MMP25: variants seen among roughly 807,000 people sequenced by gnomAD.
MMP25 encodes matrix metalloproteinase-25.
A neutral mutation model predicts 62.1 loss-of-function variants in MMP25; 68 were observed. The observed-to-expected ratio is 1.10, with a 90% CI of 0.90 to 1.34. MMP25 has a LOEUF of 1.34. MMP25 is among the 40% of genes most tolerant of loss of function. MMP25 has a pLI of 0.00. For missense variants in MMP25, 942 were observed against 792.5 expected (o/e 1.19, Z -2.26); for synonymous variants, 407 against 345.6 (o/e 1.18, Z -1.97).
rs776515247 is a variant in MMP25 at position 3,049,861 on chromosome 16, G to A, written c.233-148G>A. ...TGGCTTCCAGAGACAGACTGCCTGG[G>A]TTCAAACCTGGGCTGTGGGGCCTTC... On this transcript the variant is annotated intron_variant, in intron 2 of 9. Transcript: ENST00000336577. The A allele has an allele frequency of 2.4e-5, 29 of 1,199,350 alleles. 1 individual carries two copies. The highest frequency in any genetic ancestry group is 5.5e-4 in the Middle Eastern group (2 of 3,636). The allele number at this position is 1,199,350 out of a possible 1,614,324, so 74.3% of individuals were successfully genotyped here.
chr16:3,058,851 C>A lies in MMP25; in HGVS notation c.1442C>A (p.Ala481Asp). Residue 481 changes from alanine to aspartate, a missense_variant, in exon 10 of 10, where the codon GCC becomes GAC. Physicochemically the swap from Ala to Asp is moderately radical, Grantham distance 126 (BLOSUM62 -2). Coordinates refer to ENST00000336577, the MANE Select transcript of MMP25 (RefSeq NM_022468.5). Reference protein sequence around the residue: ...NAGDTYFFKGAHYWRFPKNSI... With the variant: ...NAGDTYFFKGDHYWRFPKNSI... Reference sequence around the variant, plus strand: ...GGTGACACCTACTTCTTCAAGGGCGCCCACTACTGGCGCTTCCCCAAGAAC... The same window carrying A: ...GGTGACACCTACTTCTTCAAGGGCGACCACTACTGGCGCTTCCCCAAGAAC... 6.5e-7 allele frequency: 1 copy of A among 1,532,982 alleles called. No homozygotes were observed. Among genetic ancestry groups the A allele is most frequent in the Non-Finnish European group, 8.8e-7 (1 of 1,137,054 alleles). The allele number at this position is 1,532,982 out of a possible 1,614,324, so 95.0% of individuals were successfully genotyped here. A position where few individuals can be genotyped will look rare whatever the true frequency, so the allele number is the denominator to read the frequency against.
chr16:3,053,623 C>T (rs573484109), intron 4 of MMP25: 1 of 152,094 alleles, frequency 6.6e-6, no homozygotes, highest in African/African-American at 2.4e-5. Flanking sequence ...TGGCGAGCTT[C>T]TGGGAGGAAA....
At chr16:3,055,453 G>C (rs1955990255) in intron 4 of MMP25, among the ~76,000 whole-genome samples, 2 of 152,210 alleles carry the variant, frequency 1.3e-5, no homozygotes, top group Admixed American at 1.3e-4. Context: ...CGTCAGTGCG[G>C]ATGTGATTTG....
chr16:3,058,802 C>G (rs1237533816), intron 9 of MMP25, 25 bp from the exon 10 acceptor site: 2 of 1,498,446 alleles, frequency 1.3e-6, no homozygotes, highest in East Asian at 2.4e-5. Flanking sequence ...GGGGAGGGAC[C>G]GGGACTCAAG....
intron 7 of MMP25, 37 bp from the exon 8 acceptor site, chr16:3,058,144 T>C: frequency 6.2e-7 from 1 of 1,602,564 alleles, no homozygotes; most frequent in Non-Finnish European, 8.5e-7. Flanking sequence ...CCTCCTGCTG[T>C]CTCATGCCTT....
chr16:3,056,970 C>T, intron 4 of MMP25, 63 bp from the exon 5 acceptor site: 1 of 1,502,220 alleles, frequency 6.7e-7, no homozygotes, highest in South Asian at 1.3e-5. Context: ...ACTCGCAGGG[C>T]CTTCCTGTGG....
At chr16:3,049,897 T>A in intron 2 of MMP25, 112 bp from the exon 3 acceptor site, 1 of 1,507,876 alleles carries the variant, frequency 6.6e-7, no homozygotes, top group South Asian at 1.1e-5. Flanking sequence ...GAGGGCACAT[T>A]TCTTGAGCCC....
At chr16:3,053,736 C>T (rs1158896962) in intron 4 of MMP25, 1 of 151,756 alleles carries the variant, frequency 6.6e-6, no homozygotes, top group Non-Finnish European at 1.5e-5. Context: ...AGACTAAGCC[C>T]AAAGGTGATC....
At chr16:3,057,903 T>C (rs1418665165) in intron 7 of MMP25, 2 of 577,386 alleles carry the variant, frequency 3.5e-6, no homozygotes, top group Non-Finnish European at 3.0e-6. Context: ...GGAGTCTCAC[T>C]ATATTGCCCA....
At position 3,050,244 on chromosome 16, in the gene MMP25, C is replaced by G. The variant is rs373093991; in HGVS notation, c.369-10C>G. 6.3e-7 allele frequency: 1 copy of G among 1,583,030 alleles called. No homozygotes were observed. Among genetic ancestry groups the G allele is most frequent in the African/African-American group, 1.3e-5 (1 of 74,370 alleles). On this transcript the variant is annotated splice_polypyrimidine_tract_variant and intron_variant, in intron 3 of 9. Transcript: ENST00000336577. ...ACGGCCACCCTTACACCTCACTCCC[C>G]TCTCCCCAGGGTACGTTCCTTCCCC...
chr16:3,047,574 C>G, intron 2 of MMP25, 27 bp downstream of exon 2: 1 of 1,607,382 alleles, frequency 6.2e-7, no homozygotes, highest in Non-Finnish European at 8.5e-7. Context: ...CCTCCCCAGC[C>G]CTGCCTCTGC....
rs1250833479 is a variant in MMP25, at chr16:3,057,518, C to T, written c.924-13C>T. On this transcript the variant is annotated splice_polypyrimidine_tract_variant and intron_variant, in intron 6 of 9. Coordinates refer to ENST00000336577, the MANE Select transcript of MMP25 (RefSeq NM_022468.5). ...AAACCCCCCTCTCTACTCACCTCTC[C>T]TTTCCTCCCCAGCCCATCCTTCCCC... 1 of 1,613,390 alleles carries T rather than the reference C, an allele frequency of 6.2e-7. No individual in the cohort carries two copies. Among genetic ancestry groups the T allele is most frequent in the East Asian group, 2.2e-5 (1 of 44,882 alleles).
At chr16:3,049,037 G>T (rs1487503774) in intron 2 of MMP25, among the ~76,000 whole-genome samples, 1 of 151,952 alleles carries the variant, frequency 6.6e-6, no homozygotes, top group East Asian at 1.9e-4. Context: ...CGAACTCTTA[G>T]CCTCAAGCGA....
rs899125802 is a variant in MMP25 at position 3,058,655 on chromosome 16, C to T, written c.1403C>T (p.Thr468Ile). 2.5e-6 allele frequency: 4 copies of T among 1,601,010 alleles called. No homozygotes were observed. The highest frequency in any genetic ancestry group is 3.4e-6 in the Non-Finnish European group (4 of 1,173,582). Residue 468 changes from threonine (T) to isoleucine (I), a missense_variant, in exon 9 of 10, where the codon ACC becomes ATC. Coordinates refer to ENST00000336577, the MANE Select transcript of MMP25 (RefSeq NM_022468.5). Reference sequence around the variant, plus strand: ...GCGCCCCCCTCCCCTGACGATGTCACCGTCAGCAACGCAGGTGGGGAGCGC... The same window carrying T: ...GCGCCCCCCTCCCCTGACGATGTCATCGTCAGCAACGCAGGTGGGGAGCGC... ...EGAPPSPDDV[T>I]VSNAGDTYFF... is the part of the protein sequence containing the mutation.
chr16:3,058,958 G>A lies in MMP25; in HGVS notation c.1549G>A (p.Ala517Thr). 1 of 1,402,002 alleles carries A rather than the reference G, an allele frequency of 7.1e-7. No homozygotes were observed. Among genetic ancestry groups the A allele is most frequent in the South Asian group, 1.3e-5 (1 of 79,664 alleles). 86.8% of individuals were successfully genotyped at this position (1,402,002 alleles called of 1,614,324 possible). ...DCPAPSSGPR[A>T]PRPPKATPVS... ...CCCCGCCCCGAGCTCTGGTCCCCGC[G>A]CCCCCAGGCCCCCCAAAGCGACCCC... The change falls in exon 10 of 10, where the codon GCC becomes ACC. Residue 517 changes from alanine (A) to threonine (T), a missense_variant. By Grantham distance (58) the Ala-to-Thr change is moderately conservative. Coordinates refer to ENST00000336577, the MANE Select transcript of MMP25 (RefSeq NM_022468.5).
intron 2 of MMP25, among the ~76,000 whole-genome samples, chr16:3,049,159 G>A (rs1955862644): frequency 6.6e-6 from 1 of 151,798 alleles, no homozygotes; most frequent in African/African-American, 2.4e-5. Flanking sequence ...ATGGAAGGCA[G>A]GAGCCCTGAG....
Position 3,050,245 on chromosome 16 carries a change from T to C in MMP25, c.369-9T>C. On this transcript the variant is annotated splice_polypyrimidine_tract_variant and intron_variant, in intron 3 of 9. Coordinates refer to ENST00000336577, the MANE Select transcript of MMP25 (RefSeq NM_022468.5). The stretch of plus-strand genomic sequence containing the variant: ...CGGCCACCCTTACACCTCACTCCCC[T>C]CTCCCCAGGGTACGTTCCTTCCCCC... 1.3e-6 allele frequency: 2 copies of C among 1,582,600 alleles called. No individual in the cohort carries two copies. Among genetic ancestry groups the C allele is most frequent in the African/African-American group, 1.3e-5 (1 of 74,392 alleles).
intron 4 of MMP25, 93 bp downstream of exon 4, chr16:3,050,639 G>C (rs1955889672): frequency 7.6e-7 from 1 of 1,311,294 alleles, no homozygotes; most frequent in African/African-American, 1.5e-5. Flanking sequence ...TAAGAAACAA[G>C]GTCTTGCTCT....
At chr16:3,048,456 A>C (rs547569929) in intron 2 of MMP25, among the ~76,000 whole-genome samples, 123 of 152,340 alleles carry the variant, frequency 8.1e-4, no homozygotes, top group Non-Finnish European at 1.4e-3. Context: ...CATAAATATG[A>C]AAGATAATTT....
Sources: allele counts gnomAD v4.1 joint callset (sites outside exome capture counted in the v4.1 genomes callset), GRCh38; gene constraint gnomAD v4.1.1; transcripts MANE v1.5; gene names NCBI Gene and HGNC (gene_info 2026-07-23, HGNC 2026-07-21).